Variants in DSP observed in about 807,000 individuals in gnomAD.
DSP encodes desmoplakin, also known as 250/210 kDa paraneoplastic pemphigus antigen.
A neutral mutation model predicts 290.6 loss-of-function variants in DSP; 114 were observed. The ratio of observed to expected loss-of-function variants is 0.39; its 90% CI spans 0.34 to 0.46. The LOEUF is 0.46. Ranked by LOEUF, DSP falls within the 20% of genes least tolerant of loss-of-function variation. The probability of loss-of-function intolerance (pLI) is 0.99; values close to 1 mark genes in which losing one functional copy is unlikely to be tolerated. For synonymous variants in DSP, 1,311 were observed against 1,316.4 expected (o/e 1.00, Z 0.09); for missense variants, 3,230 against 3,495.8 (o/e 0.92, Z 1.92).
chr6:7,553,089 A>G (rs1361176814), intron 1 of DSP, among the ~76,000 whole-genome samples: 1 of 152,230 alleles, frequency 6.6e-6, no homozygotes, highest in Non-Finnish European at 1.5e-5. Flanking sequence ...GTTACAAAAT[A>G]GTACAAAGTT....
intron 1 of DSP, among the ~76,000 whole-genome samples, chr6:7,550,808 T>A (rs568976017): frequency 8.5e-4 from 128 of 151,126 alleles, no homozygotes; most frequent in East Asian, 3.7e-3. Flanking sequence ...TTTTTTTTTT[T>A]AAAAAAGCAC....
chr6:7,579,174 G>C lies in DSP; in HGVS notation c.3085-101G>C. 2.0e-6 allele frequency: 3 copies of C among 1,498,514 alleles called. No individual in the cohort carries two copies. The allele number at this position is 1,498,514 out of a possible 1,614,324, so 92.8% of individuals were successfully genotyped here. A position where few individuals can be genotyped will look rare whatever the true frequency, so the allele number is the denominator to read the frequency against. On this transcript the variant is annotated intron_variant, in intron 22 of 23. Transcript: ENST00000379802. The surrounding 1 kb of genome is among the most constrained non-coding windows in gnomAD (Gnocchi z 4.1). The stretch of plus-strand genomic sequence containing the variant: ...GCATGTATGTCCATGTGTGTAAAGA[G>C]AAATAAGAATGCACATTGGTCTGGG...
intron 16 of DSP, 56 bp downstream of exon 16, chr6:7,574,308 G>T: frequency 6.4e-7 from 1 of 1,552,550 alleles, no homozygotes; most frequent in Non-Finnish European, 8.9e-7. Context: ...TCTTTTTCTG[G>T]GTCTTCATTT....
At position 7,582,959 on chromosome 6, in the gene DSP, C is replaced by T. The variant is rs879254348; in HGVS notation, c.5697C>T (p.Ile1899=). ...EREKNSLRSE[I]ERLQAEIKRI... ...AGAAGAACAGTCTTAGGAGTGAGAT[C>T]GAAAGACTCCAAGCAGAGATCAAGA... The change falls in exon 24 of 24, where the codon ATC becomes ATT. Residue 1899 remains isoleucine, a synonymous_variant. Coordinates refer to ENST00000379802, the MANE Select transcript of DSP (RefSeq NM_004415.4). The surrounding 1 kb of genome is among the most constrained non-coding windows in gnomAD (Gnocchi z 4.2). 4 of 1,613,808 alleles carry T rather than the reference C, an allele frequency of 2.5e-6. No individual in the cohort carries two copies. Among genetic ancestry groups the T allele is most frequent in the East Asian group, 2.2e-5 (1 of 44,868 alleles).
chr6:7,564,747 A>T (rs1758804730), intron 6 of DSP, among the ~76,000 whole-genome samples: 2 of 152,220 alleles, frequency 1.3e-5, no homozygotes, highest in Non-Finnish European at 2.9e-5. Flanking sequence ...TCCTGATTTG[A>T]TCATTATACA....
intron 1 of DSP, among the ~76,000 whole-genome samples, chr6:7,548,344 G>A (rs1418291060): frequency 6.6e-6 from 1 of 152,174 alleles, no homozygotes; most frequent in African/African-American, 2.4e-5. Flanking sequence ...CACTAAGTGA[G>A]GTCTCCGCCT....
chr6:7,562,546 T>C, intron 4 of DSP, 106 bp from the exon 5 acceptor site: 1 of 1,584,158 alleles, frequency 6.3e-7, no homozygotes. Flanking sequence ...TACTCCATAT[T>C]TACATCTTTG....
Position 7,582,156 on chromosome 6 carries a change from G to C in DSP, c.5380-486G>C, listed in dbSNP as rs1759458165. Among the ~76,000 whole-genome samples the C allele has an allele frequency of 6.8e-6, 1 of 147,352 alleles. No homozygotes were observed. Among genetic ancestry groups the C allele is most frequent in the Non-Finnish European group, 1.5e-5 (1 of 67,036 alleles). On this transcript the variant is annotated intron_variant, in intron 23 of 23. Coordinates refer to ENST00000379802, the MANE Select transcript of DSP (RefSeq NM_004415.4). This position sits in a 1 kb window ranked among gnomAD's most constrained non-coding sequence, Gnocchi z 4.2. ...GCTGGGTTGGTGTGTGTGTGTGTGT[G>C]TGTGTGTGTGTATATCTATATATTA... is the stretch of plus-strand genomic sequence containing the variant.
At position 7,583,297 on chromosome 6, in the gene DSP, T is replaced by C; in HGVS notation, c.6035T>C (p.Leu2012Pro). Residue 2012 changes from leucine to proline, a missense_variant, in exon 24 of 24, where the codon CTT becomes CCT. By Grantham distance (98) the Leu-to-Pro change is moderately conservative (BLOSUM62 -3). This residue lies in a region of DSP where 1,714 missense variants were observed against 1,844.5 expected (regional missense o/e 0.93). Transcript: ENST00000379802. The surrounding 1 kb of genome is among the most constrained non-coding windows in gnomAD (Gnocchi z 4.0). ...GTTGCTTCTGAAATCCAGCCATTCCTTCGGGGTGCAGGATCTATCGCTGGA... is the reference window on the plus strand; with the variant it reads ...GTTGCTTCTGAAATCCAGCCATTCCCTCGGGGTGCAGGATCTATCGCTGGA... ...EEVASEIQPF[L>P]RGAGSIAGAS... The C allele has an allele frequency of 6.2e-7, 1 of 1,614,234 alleles. No homozygotes were observed. The highest frequency in any genetic ancestry group is 8.5e-7 in the Non-Finnish European group (1 of 1,180,040).
Position 7,570,430 on chromosome 6 carries a change from C to T in DSP, c.1575-7C>T, listed in dbSNP as rs1203683996. 25 of 1,614,074 alleles carry T rather than the reference C, an allele frequency of 1.5e-5. No individual in the cohort carries two copies. The highest frequency in any genetic ancestry group is 2.1e-5 in the Non-Finnish European group (25 of 1,180,028). On this transcript the variant is annotated splice_region_variant and splice_polypyrimidine_tract_variant and intron_variant, in intron 12 of 23. Coordinates refer to ENST00000379802, the MANE Select transcript of DSP (RefSeq NM_004415.4). ...GCTCTAGCATGTTTTCCCTTTGTGCCTCTTAGGATTGAGCAGTACTACGAA... is the reference window on the plus strand; with the variant it reads ...GCTCTAGCATGTTTTCCCTTTGTGCTTCTTAGGATTGAGCAGTACTACGAA...
intron 2 of DSP, among the ~76,000 whole-genome samples, chr6:7,557,578 C>T (rs560262850): frequency 3.3e-5 from 5 of 152,144 alleles, no homozygotes; most frequent in Admixed American, 6.5e-5. Context: ...TACTCAGGAG[C>T]CTGAGGCAGG....
intron 1 of DSP, among the ~76,000 whole-genome samples, chr6:7,545,203 G>A (rs1280931874): frequency 6.6e-6 from 1 of 152,182 alleles, no homozygotes; most frequent in South Asian, 2.1e-4. Context: ...ACTGAGATAC[G>A]TGTGATCATT....
At position 7,570,453 on chromosome 6, in the gene DSP, G is replaced by A. The variant is rs1223159632; in HGVS notation, c.1591G>A (p.Glu531Lys). 3 of 1,614,070 alleles carry A rather than the reference G, an allele frequency of 1.9e-6. No homozygotes were observed. The highest frequency in any genetic ancestry group is 2.5e-6 in the Non-Finnish European group (3 of 1,180,026). The change falls in exon 13 of 24, where the codon GAA becomes AAA. Residue 531 changes from glutamate (E) to lysine (K), a missense_variant. Transcript: ENST00000379802. ...DLSCKIEQYY[E>K]AILALWNQLY... The stretch of plus-strand genomic sequence containing the variant: ...GCCTCTTAGGATTGAGCAGTACTAC[G>A]AAGCCATCTTGGCTCTGTGGAACCA...
intron 2 of DSP, among the ~76,000 whole-genome samples, chr6:7,557,765 A>G (rs980556015): frequency 8.7e-6 from 1 of 114,644 alleles, no homozygotes; most frequent in Non-Finnish European, 1.8e-5. Context: ...AAGAGGCCCC[A>G]TCTGTACCAC....
At chr6:7,571,750 T>C in intron 14 of DSP, 92 bp from the exon 15 acceptor site, 1 of 1,503,764 alleles carries the variant, frequency 6.6e-7, no homozygotes, top group Non-Finnish European at 9.2e-7. Flanking sequence ...AGGAAGAAGG[T>C]ATACTTTTAG....
rs1176295049 is a variant in DSP at position 7,585,957 on chromosome 6, C to T, written c.*79C>T. ...TTTATTAAATAATAGAAAAGAAAAT[C>T]CCGGTGCTTGCAGTAGAGTGATAGG... On this transcript the variant is annotated 3_prime_UTR_variant, in exon 24 of 24. Transcript: ENST00000379802. 3.5e-6 allele frequency: 5 copies of T among 1,432,912 alleles called. No individual in the cohort carries two copies. Among genetic ancestry groups the T allele is most frequent in the Non-Finnish European group, 4.9e-6 (5 of 1,030,020 alleles). 88.8% of individuals were successfully genotyped at this position (1,432,912 alleles called of 1,614,324 possible).
In DSP at chr6:7,567,911, C is replaced by T. The variant is rs1052624321; in HGVS notation, c.1266+5C>T. Reference sequence around the variant, plus strand: ...GAACAGATCAAGGAGCTGGAGGTATCGTCTCAGACCCAGAACCTCAGCAGC... The same window carrying T: ...GAACAGATCAAGGAGCTGGAGGTATTGTCTCAGACCCAGAACCTCAGCAGC... On this transcript the variant is annotated splice_donor_5th_base_variant and intron_variant, in intron 10 of 23. Coordinates refer to ENST00000379802, the MANE Select transcript of DSP (RefSeq NM_004415.4). 4.3e-6 allele frequency: 7 copies of T among 1,613,088 alleles called. No homozygotes were observed. The highest frequency in any genetic ancestry group is 1.1e-5 in the South Asian group (1 of 90,996).
chr6:7,567,647 C>T, intron 9 of DSP, 134 bp from the exon 10 acceptor site: 3 of 1,417,540 alleles, frequency 2.1e-6, no homozygotes, highest in South Asian at 1.2e-5. Context: ...TACCTAAATA[C>T]TTTCTGCACG....
At chr6:7,551,271 G>A (rs1422872227) in intron 1 of DSP, among the ~76,000 whole-genome samples, 1 of 151,922 alleles carries the variant, frequency 6.6e-6, no homozygotes, top group African/African-American at 2.4e-5. Context: ...AAATTGTGTA[G>A]TCAATAACAT....
Sources: allele counts gnomAD v4.1 joint callset (sites outside exome capture counted in the v4.1 genomes callset), GRCh38; gene constraint gnomAD v4.1.1; regional missense constraint gnomAD v4.1.1; non-coding constraint Gnocchi (gnomAD v3.1); transcripts MANE v1.5; gene names NCBI Gene and HGNC (gene_info 2026-07-23, HGNC 2026-07-21).